The following PRKCZ variants were observed in gnomAD, a reference collection of about 807,000 sequenced individuals.
PRKCZ encodes protein kinase C zeta type.
In PRKCZ, 33 loss-of-function variants were observed where a neutral mutation model predicts 79.5. The ratio of observed to expected loss-of-function variants is 0.41; its 90% CI spans 0.31 to 0.55. PRKCZ has a LOEUF of 0.55. Among genes scored for constraint, PRKCZ ranks in the 20% least tolerant of loss-of-function variants. The probability of loss-of-function intolerance (pLI) is 0.19; values close to 1 mark genes in which losing one functional copy is unlikely to be tolerated. For missense variants in PRKCZ, 578 were observed against 813.5 expected (o/e 0.71, Z 3.52); for synonymous variants, 342 against 320.9 (o/e 1.07, Z -0.70).
chr1:2,078,138 C>T (rs1312474020), intron 4 of PRKCZ, among the ~76,000 whole-genome samples: 1 of 152,256 alleles, frequency 6.6e-6, no homozygotes, highest in African/African-American at 2.4e-5. Flanking sequence ...GTGGGGCTTC[C>T]CTGTGCCCCG....
At position 2,179,155 on chromosome 1, in the gene PRKCZ, C is replaced by G. The variant is rs137899833; in HGVS notation, c.1575+3842C>G. Among the ~76,000 whole-genome samples the G allele has an allele frequency of 7.0e-3, 1,061 of 152,352 alleles. 12 individuals are homozygous for G. The highest frequency in any genetic ancestry group is 0.024 in the African/African-American group (1,003 of 41,576). On this transcript the variant is annotated intron_variant, in intron 16 of 17. Transcript: ENST00000378567. ...CCCTGCACTGGGAGGTGGCGCTCAT[C>G]TTGTCGGGGGCTCCCATGGGCCGTG...
intron 4 of PRKCZ, among the ~76,000 whole-genome samples, chr1:2,112,012 G>T (rs1025795436): frequency 3.3e-5 from 5 of 152,152 alleles, no homozygotes; most frequent in African/African-American, 9.7e-5. Flanking sequence ...TCTTCGAGGC[G>T]ATGTTTCCTC....
chr1:2,096,156 C>G (rs962390359), intron 4 of PRKCZ, among the ~76,000 whole-genome samples: 2 of 151,722 alleles, frequency 1.3e-5, no homozygotes, highest in African/African-American at 2.4e-5. Flanking sequence ...AAGACTGGCC[C>G]GGGGCTGGTC....
At chr1:2,121,791 G>T (rs1164529104) in intron 4 of PRKCZ, among the ~76,000 whole-genome samples, 2 of 28,348 alleles carry the variant, frequency 7.1e-5, no homozygotes, top group Non-Finnish European at 7.3e-5. Context: ...GGTGGTTAGG[G>T]TCACGGCGGT....
At chr1:2,108,915 G>A (rs571746322) in intron 4 of PRKCZ, among the ~76,000 whole-genome samples, 1 of 152,252 alleles carries the variant, frequency 6.6e-6, no homozygotes, top group African/African-American at 2.4e-5. Flanking sequence ...TTCTTTCTGG[G>A]GGCTCCAGGG....
chr1:2,081,374 C>G (rs908195392), intron 4 of PRKCZ, among the ~76,000 whole-genome samples: 1 of 151,886 alleles, frequency 6.6e-6, no homozygotes, highest in South Asian at 2.1e-4. Flanking sequence ...TGGGTGCTGA[C>G]GGGTCTCTGG....
chr1:2,145,561 A>G (rs538121222), intron 6 of PRKCZ: 3 of 154,454 alleles, frequency 1.9e-5, no homozygotes, highest in East Asian at 3.8e-4. Context: ...TAACAATTAG[A>G]TTTTTATATA....
intron 4 of PRKCZ, among the ~76,000 whole-genome samples, chr1:2,111,444 A>T (rs1669727364): frequency 6.6e-6 from 1 of 151,376 alleles, no homozygotes; most frequent in African/African-American, 2.4e-5. Flanking sequence ...CAAGGGGTGC[A>T]CCTTGGTGGT....
intron 4 of PRKCZ, among the ~76,000 whole-genome samples, chr1:2,079,006 C>A (rs1662962748): frequency 6.6e-6 from 1 of 152,182 alleles, no homozygotes; most frequent in African/African-American, 2.4e-5. Context: ...CCACGCCCAG[C>A]TAATTTTTTG....
At chr1:2,096,533 G>T (rs1666552418) in intron 4 of PRKCZ, among the ~76,000 whole-genome samples, 1 of 151,738 alleles carries the variant, frequency 6.6e-6, no homozygotes, top group South Asian at 2.1e-4. Flanking sequence ...TCCTCGGTGG[G>T]CGCTCAGAGG....
chr1:2,062,321 C>A (rs972617596), intron 4 of PRKCZ, among the ~76,000 whole-genome samples: 2 of 152,186 alleles, frequency 1.3e-5, no homozygotes, highest in South Asian at 4.2e-4. Context: ...GGATTCTGGA[C>A]GTTTGGTGTC....
At chr1:2,170,255 C>T (rs1435148887) in intron 11 of PRKCZ, among the ~76,000 whole-genome samples, 5 of 152,168 alleles carry the variant, frequency 3.3e-5, no homozygotes, top group East Asian at 1.9e-4. Context: ...GCCGAGGGGC[C>T]TCCAGCATGG....
At chr1:2,130,623 A>G (rs1189565340) in intron 4 of PRKCZ, among the ~76,000 whole-genome samples, 1 of 152,072 alleles carries the variant, frequency 6.6e-6, no homozygotes, top group Non-Finnish European at 1.5e-5. Flanking sequence ...GAGACCTAGG[A>G]GGAGCCACAG....
chr1:2,104,282 A>G (rs1410613519), intron 4 of PRKCZ, among the ~76,000 whole-genome samples: 1 of 152,120 alleles, frequency 6.6e-6, no homozygotes, highest in East Asian at 1.9e-4. Flanking sequence ...CGAACATCAA[A>G]AAGGGGGTCC....
chr1:2,162,294 G>A lies in PRKCZ; in HGVS notation c.974+6202G>A, dbSNP rs904956706. ...ATACAGGCCCCTGCCACCACACCCA[G>A]CTAATCTTTGTAGTTTTAGTAGAGA... On this transcript the variant is annotated intron_variant, in intron 10 of 17. Coordinates refer to ENST00000378567, the MANE Select transcript of PRKCZ (RefSeq NM_002744.6). Among the ~76,000 whole-genome samples the A allele has an allele frequency of 3.9e-5, 6 of 152,168 alleles. 1 individual carries two copies. The East Asian group carries it at 1.2e-3, about 29-fold the overall frequency.
At chr1:2,152,772 T>C (rs1680156098) in intron 9 of PRKCZ, among the ~76,000 whole-genome samples, 1 of 152,260 alleles carries the variant, frequency 6.6e-6, no homozygotes, top group South Asian at 2.1e-4. Context: ...TGTGAGCTTT[T>C]GGTGTCTGGC....
At position 2,128,367 on chromosome 1, in the gene PRKCZ, A is replaced by G. The variant is rs1674338568; in HGVS notation, c.335-6895A>G. Among the ~76,000 whole-genome samples the G allele has an allele frequency of 6.6e-6, 1 of 152,070 alleles. No individual in the cohort carries two copies. The highest frequency in any genetic ancestry group is 1.5e-5 in the Non-Finnish European group (1 of 68,000). On this transcript the variant is annotated intron_variant, in intron 4 of 17. Coordinates refer to ENST00000378567, the MANE Select transcript of PRKCZ (RefSeq NM_002744.6). This position sits in a 1 kb window ranked among gnomAD's most constrained non-coding sequence, Gnocchi z 6.5. ...AGTGCCCCCTGACCTGCTGCCAGGGACTCGGCCCCTCCCTCACCGCCACCG... is the reference window on the plus strand; with the variant it reads ...AGTGCCCCCTGACCTGCTGCCAGGGGCTCGGCCCCTCCCTCACCGCCACCG...
At chr1:2,176,156 C>T (rs1218746401) in intron 16 of PRKCZ, among the ~76,000 whole-genome samples, 1 of 152,078 alleles carries the variant, frequency 6.6e-6, no homozygotes, top group Non-Finnish European at 1.5e-5. Flanking sequence ...TGAGTTTTGA[C>T]CGTTCCCCAG....
intron 16 of PRKCZ, chr1:2,183,441 G>T (rs1382533562): frequency 6.6e-6 from 1 of 152,354 alleles, no homozygotes; most frequent in Non-Finnish European, 1.5e-5. Context: ...GTGAATGGGA[G>T]TGGGTTAGCG....
Sources: allele counts gnomAD v4.1 joint callset (sites outside exome capture counted in the v4.1 genomes callset), GRCh38; gene constraint gnomAD v4.1.1; non-coding constraint Gnocchi (gnomAD v3.1); transcripts MANE v1.5; gene names NCBI Gene and HGNC (gene_info 2026-07-23, HGNC 2026-07-21).